CFAP97D2: variants seen among roughly 807,000 people sequenced by gnomAD.
CFAP97D2 encodes CFAP97 domain containing 2.
chr13:114,185,246 C>T lies in CFAP97D2; in HGVS notation c.90+5826C>T, dbSNP rs527855902. 1.8e-4 allele frequency among the ~76,000 whole-genome samples: 28 copies of T among 152,330 alleles called. No individual in the cohort carries two copies. In the South Asian group the frequency reaches 4.1e-3, roughly 23 times the overall value. ...GCACAGGAAAGAGGTGAACAGTACC[C>T]GGAGCCCACCCCTGGGAGCCCCCTG... On this transcript the variant is annotated intron_variant, in intron 1 of 4. Transcript: ENST00000646158. This position sits in a 1 kb window ranked among gnomAD's most constrained non-coding sequence, Gnocchi z 5.2.
chr13:114,217,687 A>G (rs1025219257), intron 4 of CFAP97D2, among the ~76,000 whole-genome samples: 15 of 152,176 alleles, frequency 9.9e-5, no homozygotes, highest in African/African-American at 2.7e-4. Flanking sequence ...ATGATCAAGT[A>G]GGCTTCATCC....
At chr13:114,198,623 C>T (rs9562144) in intron 2 of CFAP97D2, among the ~76,000 whole-genome samples, 5,074 of 145,076 alleles carry the variant, frequency 0.035, 265 homozygotes, top group East Asian at 0.27. Flanking sequence ...AGCTGGTGGT[C>T]CCCGCTGAGG....
intron 4 of CFAP97D2, among the ~76,000 whole-genome samples, chr13:114,221,230 G>A (rs1212024883): frequency 6.6e-6 from 1 of 152,198 alleles, no homozygotes; most frequent in Non-Finnish European, 1.5e-5. Flanking sequence ...TTAGGCGACA[G>A]AGCGAGACTA....
rs778334366 is a variant in CFAP97D2 at position 114,186,322 on chromosome 13, G to A, written c.90+6902G>A. Among the ~76,000 whole-genome samples, 14 of 152,292 alleles carry A rather than the reference G, an allele frequency of 9.2e-5. No individual in the cohort carries two copies. Among genetic ancestry groups the A allele is most frequent in the South Asian group, 2.1e-4 (1 of 4,824 alleles). ...AGAGCTGAACACTTGTCAGGATACC[G>A]TGGCTATGGAGAGGAGCTGCCCACT... On this transcript the variant is annotated intron_variant, in intron 1 of 4. Coordinates refer to ENST00000646158, the Ensembl canonical transcript of CFAP97D2. The surrounding 1 kb of genome is among the most constrained non-coding windows in gnomAD (Gnocchi z 4.3).
intron 4 of CFAP97D2, among the ~76,000 whole-genome samples, chr13:114,215,240 T>C (rs2080988363): frequency 6.6e-6 from 1 of 152,250 alleles, no homozygotes. Flanking sequence ...TTTCTTCTTG[T>C]ATGAATTGTC....
chr13:114,188,699 C>T (rs1452779238), intron 1 of CFAP97D2, among the ~76,000 whole-genome samples: 5 of 151,106 alleles, frequency 3.3e-5, no homozygotes, highest in Non-Finnish European at 2.9e-5. Context: ...ATGGCATGAA[C>T]CCCGGAGGAG....
rs565246098 is a variant in CFAP97D2 at position 114,179,346 on chromosome 13, C to A, written c.16C>A (p.Arg6=). 2.5e-6 allele frequency: 1 copy of A among 398,738 alleles called. No homozygotes were observed. The highest frequency in any genetic ancestry group is 3.6e-5 in the East Asian group (1 of 28,074). 24.7% of individuals were successfully genotyped at this position (398,738 alleles called of 1,614,324 possible). A position where few individuals can be genotyped will look rare whatever the true frequency, so the allele number is the denominator to read the frequency against. The change falls in exon 1 of 5, where the codon CGG becomes AGG. Residue 6 remains arginine, a synonymous_variant. Transcript: ENST00000646158. This position sits in a 1 kb window ranked among gnomAD's most constrained non-coding sequence, Gnocchi z 4.8. ...TGTTGCTGAGATGCACGGAGCCCCC[C>A]GGCTGACCTTTCCCTGTGCCAGTGA...
rs901862249 is a variant in CFAP97D2, at chr13:114,186,345, A to G, written c.90+6925A>G. On this transcript the variant is annotated intron_variant, in intron 1 of 4. Transcript: ENST00000646158. This position sits in a 1 kb window ranked among gnomAD's most constrained non-coding sequence, Gnocchi z 4.3. The stretch of plus-strand genomic sequence containing the variant: ...CCGTGGCTATGGAGAGGAGCTGCCC[A>G]CTGTGGGTCTCCTCTGAGCTGTTCT... 6.6e-6 allele frequency among the ~76,000 whole-genome samples: 1 copy of G among 152,148 alleles called. No homozygotes were observed. Among genetic ancestry groups the G allele is most frequent in the African/African-American group, 2.4e-5 (1 of 41,438 alleles).
intron 3 of CFAP97D2, among the ~76,000 whole-genome samples, chr13:114,202,704 A>T (rs192929799): frequency 6.6e-6 from 1 of 152,328 alleles, no homozygotes; most frequent in East Asian, 1.9e-4. Context: ...ACTAAATCCC[A>T]GGTGAGTGTG....
At chr13:114,200,384 G>A in exon 3 of CFAP97D2, 1 of 398,706 alleles carries the variant, frequency 2.5e-6, no homozygotes, top group South Asian at 1.3e-4. Flanking sequence ...TGGAGAAGGT[G>A]GCCTCTGTCA....
At chr13:114,194,185 C>A (rs560199979) in intron 1 of CFAP97D2, among the ~76,000 whole-genome samples, 23 of 152,270 alleles carry the variant, frequency 1.5e-4, no homozygotes, top group South Asian at 4.2e-4. Flanking sequence ...ACTTTTCAAA[C>A]CATAATGAAG....
chr13:114,215,074 A>G (rs2080987692), intron 4 of CFAP97D2, among the ~76,000 whole-genome samples: 1 of 152,202 alleles, frequency 6.6e-6, no homozygotes, highest in Admixed American at 6.5e-5. Flanking sequence ...AATCAAAGGT[A>G]AGCACATTTA....
chr13:114,193,870 G>A (rs1329903971), intron 1 of CFAP97D2, among the ~76,000 whole-genome samples: 1 of 152,190 alleles, frequency 6.6e-6, no homozygotes, highest in South Asian at 2.1e-4. Context: ...GACCTCAGAT[G>A]ATCCATCTGC....
intron 2 of CFAP97D2, 145 bp from the exon 3 acceptor site, chr13:114,200,180 G>A (rs1421576681): frequency 1.3e-5 from 5 of 392,134 alleles, no homozygotes; most frequent in African/African-American, 2.1e-5. Context: ...CTGTGTGTTC[G>A]GTCCCCGCTG....
At chr13:114,204,251 A>G (rs1484123448) in intron 3 of CFAP97D2, among the ~76,000 whole-genome samples, 1 of 152,204 alleles carries the variant, frequency 6.6e-6, no homozygotes, top group Non-Finnish European at 1.5e-5. Context: ...TACCAATAAC[A>G]CCAAAGCTAC....
At chr13:114,192,141 G>A (rs1304342480) in intron 1 of CFAP97D2, among the ~76,000 whole-genome samples, 1 of 152,154 alleles carries the variant, frequency 6.6e-6, no homozygotes, top group Non-Finnish European at 1.5e-5. Flanking sequence ...GTATGATAAT[G>A]CAGTGACGGA....
intron 2 of CFAP97D2, among the ~76,000 whole-genome samples, chr13:114,198,118 C>G (rs1282345454): frequency 6.6e-6 from 1 of 151,882 alleles, no homozygotes; most frequent in Non-Finnish European, 1.5e-5. Flanking sequence ...CTCTCCAGTA[C>G]CTGGGACTAC....
At chr13:114,208,848 C>T (rs12585351) in intron 3 of CFAP97D2, among the ~76,000 whole-genome samples, 1,744 of 152,242 alleles carry the variant, frequency 0.011, 95 homozygotes, top group Admixed American at 0.081. Context: ...TATACAGAAG[C>T]CTGGACAAGA....
chr13:114,182,873 G>C (rs1234624092), intron 1 of CFAP97D2, among the ~76,000 whole-genome samples: 1 of 152,186 alleles, frequency 6.6e-6, no homozygotes, highest in African/African-American at 2.4e-5. Context: ...TCAGAATGGA[G>C]TCTCTTATGT....
Sources: allele counts gnomAD v4.1 joint callset (sites outside exome capture counted in the v4.1 genomes callset), GRCh38; gene constraint gnomAD v4.1.1; non-coding constraint Gnocchi (gnomAD v3.1); transcripts MANE v1.5; gene names NCBI Gene and HGNC (gene_info 2026-07-23, HGNC 2026-07-21).